Variants in GLB1 observed in about 807,000 individuals in gnomAD.
GLB1 encodes the protein galactosidase beta 1.
A neutral mutation model predicts 74.0 loss-of-function variants in GLB1; 56 were observed. That is an observed-to-expected ratio of 0.76 (90% CI 0.61 to 0.94). The LOEUF (loss-of-function observed/expected upper bound fraction) is 0.94. Ranked by LOEUF, GLB1 falls within the 40% of genes least tolerant of loss-of-function variation. The pLI, the probability that GLB1 is intolerant of heterozygous loss-of-function variation, is 0.00. For synonymous variants in GLB1, 323 were observed against 323.6 expected (o/e 1.00, Z 0.02); for missense variants, 787 against 845.5 (o/e 0.93, Z 0.86).
At position 33,074,365 on chromosome 3, in the gene GLB1, G is replaced by GA. The variant is rs1559412830; in HGVS notation, c.76-1653dup. 7.6e-3 allele frequency among the ~76,000 whole-genome samples: 76 copies of GA among 10,058 alleles called. 2 individuals are homozygous for GA. The Middle Eastern group carries it at 0.094, about 12-fold the overall frequency. The allele number at this position is 10,058 out of a possible 152,430, so 6.6% of individuals were successfully genotyped here. ...GGAAGGAAGGAAGGAAGGAAGGAAG[G>GA]AAGGAAGGAAGGAAGGAAGGAAGGA... On this transcript the variant is annotated intron_variant, in intron 1 of 15. Coordinates refer to ENST00000307363, the MANE Select transcript of GLB1 (RefSeq NM_000404.4).
At chr3:33,074,370 AAGGAAGGAAGG>A (rs1700015919) in intron 1 of GLB1, among the ~76,000 whole-genome samples, 4 of 124,712 alleles carry the variant, frequency 3.2e-5, no homozygotes, top group African/African-American at 1.1e-4. Flanking sequence ...GGAAGGAAGG[AAGGAAGGAAGG>A]AAGGAAGGAA....
intron 15 of GLB1, among the ~76,000 whole-genome samples, chr3:33,001,952 G>A (rs1305216212): frequency 6.6e-6 from 1 of 152,106 alleles, no homozygotes; most frequent in Non-Finnish European, 1.5e-5. Context: ...TATATACATT[G>A]ATTTTTATTT....
intron 10 of GLB1, among the ~76,000 whole-genome samples, chr3:33,041,360 T>C (rs4679076): frequency 0.93 from 141,903 of 152,256 alleles, 66,947 homozygotes; most frequent in East Asian, 1. Context: ...AACTATCAGT[T>C]TAGAAAAACT....
chr3:33,072,573 C>A lies in GLB1; in HGVS notation c.216G>T (p.Met72Ile), dbSNP rs761973260. The A allele has an allele frequency of 6.2e-7, 1 of 1,613,834 alleles. No homozygotes were observed. Among genetic ancestry groups the A allele is most frequent in the Non-Finnish European group, 8.5e-7 (1 of 1,180,038 alleles). Reference sequence around the variant, plus strand: ...GGATGGCGTTCAGCCCAGCCATCTTCATCTTCAGCAGCCGGTCCTTCCAGT... The same window carrying A: ...GGATGGCGTTCAGCCCAGCCATCTTAATCTTCAGCAGCCGGTCCTTCCAGT... ...RFYWKDRLLK[M>I]KMAGLNAIQT... is the part of the protein sequence containing the mutation. The change falls in exon 2 of 16, where the codon ATG (methionine) becomes ATT (isoleucine). Residue 72 changes from methionine (M) to isoleucine (I), a missense_variant. By Grantham distance (10) the Met-to-Ile change is conservative (BLOSUM62 1). Transcript: ENST00000307363.
intron 14 of GLB1, among the ~76,000 whole-genome samples, chr3:33,015,858 C>G (rs1697218306): frequency 6.6e-6 from 1 of 152,222 alleles, no homozygotes; most frequent in South Asian, 2.1e-4. Context: ...TGCCATTGTT[C>G]CCTTGATAAG....
intron 10 of GLB1, among the ~76,000 whole-genome samples, chr3:33,036,867 G>C (rs895888394): frequency 2.0e-5 from 3 of 152,132 alleles, no homozygotes; most frequent in African/African-American, 7.2e-5. Context: ...GCTGAGGAGA[G>C]GGTGACTGGG....
At chr3:33,052,539 G>C (rs866263162) in intron 7 of GLB1, 1 of 166,156 alleles carries the variant, frequency 6.0e-6, no homozygotes, top group Non-Finnish European at 1.3e-5. Flanking sequence ...CCTGAGGCAG[G>C]AGAATCGCTT....
intron 1 of GLB1, among the ~76,000 whole-genome samples, chr3:33,075,344 G>A (rs574856617): frequency 6.6e-6 from 1 of 152,338 alleles, no homozygotes; most frequent in South Asian, 2.1e-4. Flanking sequence ...AAGTTCAGAG[G>A]AGCAGGAGAT....
chr3:33,034,695 A>T, intron 10 of GLB1: 1 of 724,288 alleles, frequency 1.4e-6, no homozygotes. Flanking sequence ...GGAGACAATA[A>T]GGTGACCCTG....
intron 15 of GLB1, among the ~76,000 whole-genome samples, chr3:32,999,537 A>G (rs1320821219): frequency 6.6e-6 from 1 of 152,128 alleles, no homozygotes; most frequent in African/African-American, 2.4e-5. Context: ...ATGGGCCCTC[A>G]CATGCCGGGT....
intron 10 of GLB1, among the ~76,000 whole-genome samples, chr3:33,028,497 G>A (rs1697868945): frequency 6.6e-6 from 1 of 151,762 alleles, no homozygotes; most frequent in Non-Finnish European, 1.5e-5. Context: ...TTGAGATGGA[G>A]TCTCAAACTT....
At chr3:33,095,363 A>G (rs1320649190) in intron 1 of GLB1, among the ~76,000 whole-genome samples, 4 of 150,978 alleles carry the variant, frequency 2.6e-5, no homozygotes, top group Non-Finnish European at 5.9e-5. Context: ...TAAAAATACA[A>G]AAAAAGAAAA....
At chr3:33,081,972 T>A (rs4678652) in intron 1 of GLB1, among the ~76,000 whole-genome samples, 22,366 of 152,214 alleles carry the variant, frequency 0.15, 1,766 homozygotes, top group Admixed American at 0.19. Context: ...CAACAAAATT[T>A]GATGGAAGGT....
At chr3:32,994,291 C>T (rs911470730), downstream of GLB1, among the ~76,000 whole-genome samples, 2 of 152,178 alleles carry the variant, frequency 1.3e-5, no homozygotes, top group Non-Finnish European at 2.9e-5. Context: ...ACAAACCTCA[C>T]GGTATGCTGA....
At chr3:33,018,363 G>T in intron 13 of GLB1, 85 bp downstream of exon 13, 37 of 862,236 alleles carry the variant, frequency 4.3e-5, no homozygotes, top group Non-Finnish European at 5.6e-5. Flanking sequence ...GGTGAGCAAA[G>T]ACCCCAAATG....
chr3:33,022,136 T>G (rs554992274), intron 11 of GLB1, among the ~76,000 whole-genome samples: 1 of 152,210 alleles, frequency 6.6e-6, no homozygotes, highest in African/African-American at 2.4e-5. Flanking sequence ...GTGTGGCATA[T>G]CTTCCATGCC....
chr3:33,045,012 A>C (rs1027667539), intron 10 of GLB1, among the ~76,000 whole-genome samples: 13 of 131,490 alleles, frequency 9.9e-5, no homozygotes, highest in Non-Finnish European at 1.8e-4. Flanking sequence ...ACCATGCTTC[A>C]CAGTATCTGA....
At chr3:33,087,593 AC>A (rs1559419407) in intron 1 of GLB1, among the ~76,000 whole-genome samples, 19 of 126,026 alleles carry the variant, frequency 1.5e-4, no homozygotes, top group Non-Finnish European at 1.8e-5. Context: ...ACACACACAC[AC>A]ACACACACAC....
chr3:33,058,149 T>C lies in GLB1; in HGVS notation c.673A>G (p.Lys225Glu). 1 of 1,614,132 alleles carries C rather than the reference T, an allele frequency of 6.2e-7. No individual in the cohort carries two copies. The highest frequency in any genetic ancestry group is 1.7e-5 in the Admixed American group (1 of 60,012). ...AGGGCCCCACATTTCAGGAATGTTTTATGTGCTCCATCAGTGGTAAACAGA... is the reference window on the plus strand; with the variant it reads ...AGGGCCCCACATTTCAGGAATGTTTCATGTGCTCCATCAGTGGTAAACAGA... ...VVLFTTDGAH[K>E]TFLKCGALQG... The change falls in exon 6 of 16, where the codon AAA (lysine) becomes GAA (glutamate). Residue 225 changes from lysine (K) to glutamate (E), a missense_variant. Coordinates refer to ENST00000307363, the MANE Select transcript of GLB1 (RefSeq NM_000404.4).
Sources: gnomAD v4.1 joint callset for allele counts (sites outside exome capture counted in the v4.1 genomes callset) on GRCh38, gnomAD v4.1.1 for gene constraint, MANE v1.5 for transcripts, NCBI Gene and HGNC (gene_info 2026-07-23, HGNC 2026-07-21) for gene names.